PPFIA2: variants seen among roughly 807,000 people sequenced by gnomAD.
PPFIA2 encodes the protein liprin-alpha-2.
Under a neutral mutation model 175.5 loss-of-function variants are expected in PPFIA2, and 46 were observed. The ratio of observed to expected loss-of-function variants is 0.26; its 90% CI spans 0.21 to 0.34. The LOEUF is 0.34. Among genes scored for constraint, PPFIA2 ranks in the 10% least tolerant of loss-of-function variants. PPFIA2 has a pLI of 1.00. For missense variants in PPFIA2, 1,179 were observed against 1,506.1 expected (o/e 0.78, Z 3.60); for synonymous variants, 568 against 511.4 (o/e 1.11, Z -1.49).
chr12:81,596,155 T>C (rs956684429), intron 4 of PPFIA2, among the ~76,000 whole-genome samples: 1 of 152,064 alleles, frequency 6.6e-6, no homozygotes, highest in East Asian at 1.9e-4. Flanking sequence ...TTTAATTCTT[T>C]ATAATCAATA....
At chr12:81,356,585 C>T (rs1480114047) in intron 16 of PPFIA2, among the ~76,000 whole-genome samples, 1 of 152,002 alleles carries the variant, frequency 6.6e-6, no homozygotes, top group Non-Finnish European at 1.5e-5. Flanking sequence ...ATTGCTTGAG[C>T]TCAGGAATTC....
chr12:81,426,848 A>T (rs1307242977), intron 7 of PPFIA2, among the ~76,000 whole-genome samples: 1 of 152,036 alleles, frequency 6.6e-6, no homozygotes, highest in Non-Finnish European at 1.5e-5. Flanking sequence ...CTATATTTAA[A>T]ACATAGTGGC....
At chr12:81,303,260 A>C (rs917445080) in intron 22 of PPFIA2, among the ~76,000 whole-genome samples, 42 of 152,196 alleles carry the variant, frequency 2.8e-4, no homozygotes, top group African/African-American at 9.6e-4. Context: ...TGGCCTGAAG[A>C]ATAATTTTAG....
intron 7 of PPFIA2, among the ~76,000 whole-genome samples, chr12:81,411,257 C>G (rs1164664373): frequency 6.6e-6 from 1 of 152,006 alleles, no homozygotes; most frequent in Non-Finnish European, 1.5e-5. Context: ...CAAAAAGTAC[C>G]TGGAAAAAGT....
chr12:81,627,342 A>G (rs192490375), intron 4 of PPFIA2, among the ~76,000 whole-genome samples: 12 of 152,286 alleles, frequency 7.9e-5, no homozygotes, highest in Admixed American at 2.6e-4. Context: ...TGGATTTCCC[A>G]GTTAGCCTGA....
Position 81,711,858 on chromosome 12 carries a change from A to G in PPFIA2, c.250-35014T>C, listed in dbSNP as rs1023372778. Among the ~76,000 whole-genome samples, 3 of 150,692 alleles carry G rather than the reference A, an allele frequency of 2.0e-5. No individual in the cohort carries two copies. In the East Asian group the frequency reaches 6.1e-4, roughly 30 times the overall value. Reference sequence around the variant, plus strand: ...AGTATGGTACCTTATCAGTGCCCCAATGCAAAGCTCCAAAGCAAACAAAGG... The same window carrying G: ...AGTATGGTACCTTATCAGTGCCCCAGTGCAAAGCTCCAAAGCAAACAAAGG... On this transcript the variant is annotated intron_variant, in intron 3 of 32. Transcript: ENST00000549396.
At chr12:81,543,988 T>G (rs146438615) in intron 4 of PPFIA2, among the ~76,000 whole-genome samples, 2 of 152,186 alleles carry the variant, frequency 1.3e-5, no homozygotes, top group East Asian at 3.9e-4. Context: ...AGATAAATAT[T>G]ATGTGGTATC....
intron 3 of PPFIA2, among the ~76,000 whole-genome samples, chr12:81,726,543 A>G (rs1356630839): frequency 6.6e-6 from 1 of 151,326 alleles, no homozygotes; most frequent in East Asian, 2.0e-4. Flanking sequence ...TAGACCCTGT[A>G]TAAGTTTGGG....
chr12:81,604,553 G>A (rs2060098561), intron 4 of PPFIA2, among the ~76,000 whole-genome samples: 1 of 151,476 alleles, frequency 6.6e-6, no homozygotes, highest in Non-Finnish European at 1.5e-5. Flanking sequence ...TTCATTCTTA[G>A]TTTGATTGCT....
chr12:81,494,930 C>A (rs1443511666), intron 4 of PPFIA2, among the ~76,000 whole-genome samples: 1 of 118,764 alleles, frequency 8.4e-6, no homozygotes, highest in East Asian at 2.5e-4. Flanking sequence ...AACATCACAC[C>A]CTGGGGACTG....
chr12:81,666,066 A>G (rs912008311), intron 4 of PPFIA2, among the ~76,000 whole-genome samples: 28 of 152,152 alleles, frequency 1.8e-4, no homozygotes, highest in African/African-American at 6.8e-4. Flanking sequence ...ATGAGATACC[A>G]TCTCACACCA....
chr12:81,684,983 C>A (rs895110807), intron 3 of PPFIA2, among the ~76,000 whole-genome samples: 1 of 151,970 alleles, frequency 6.6e-6, no homozygotes, highest in African/African-American at 2.4e-5. Context: ...AATCATTGTA[C>A]AATCAATAAA....
At chr12:81,694,867 ACCC>A (rs1480232343) in intron 3 of PPFIA2, among the ~76,000 whole-genome samples, 1 of 152,030 alleles carries the variant, frequency 6.6e-6, no homozygotes, top group Non-Finnish European at 1.5e-5. Flanking sequence ...TTGGGAGTCC[ACCC>A]CTTGCACCAG....
At chr12:81,488,292 T>A (rs2059058975) in intron 4 of PPFIA2, among the ~76,000 whole-genome samples, 1 of 151,678 alleles carries the variant, frequency 6.6e-6, no homozygotes, top group Non-Finnish European at 1.5e-5. Context: ...TGTACTACGT[T>A]CTCATCTGTT....
At chr12:81,501,494 A>G (rs1247401725) in intron 4 of PPFIA2, among the ~76,000 whole-genome samples, 1 of 152,162 alleles carries the variant, frequency 6.6e-6, no homozygotes, top group Non-Finnish European at 1.5e-5. Flanking sequence ...TCCATGATAC[A>G]GGCACTTTTC....
chr12:81,451,148 C>T (rs572506947), intron 5 of PPFIA2, among the ~76,000 whole-genome samples: 3 of 152,044 alleles, frequency 2.0e-5, no homozygotes, highest in African/African-American at 4.8e-5. Context: ...TATACACACA[C>T]GCATGCATGT....
chr12:81,550,171 A>G (rs1567288587), intron 4 of PPFIA2, among the ~76,000 whole-genome samples: 1 of 152,066 alleles, frequency 6.6e-6, no homozygotes, highest in South Asian at 2.1e-4. Context: ...ACCTGGGAAA[A>G]TGTACAAATG....
chr12:81,564,519 G>A (rs1159199927), intron 4 of PPFIA2, among the ~76,000 whole-genome samples: 1 of 152,160 alleles, frequency 6.6e-6, no homozygotes, highest in African/African-American at 2.4e-5. Flanking sequence ...TTCCGGAGTT[G>A]GCTGCTTAAT....
At position 81,306,555 on chromosome 12, in the gene PPFIA2, T is replaced by C. The variant is rs555865934; in HGVS notation, c.2643-7173A>G. 4.3e-4 allele frequency among the ~76,000 whole-genome samples: 65 copies of C among 150,216 alleles called. No homozygotes were observed. The East Asian group carries it at 6.0e-3, about 14-fold the overall frequency. ...TTTGTTTCGTTGTTTTTTTTTTTTT[T>C]TTTTTGGCAGAGTTTTACTCTGTCT... On this transcript the variant is annotated intron_variant, in intron 22 of 32. Transcript: ENST00000549396.
Sources: allele counts gnomAD v4.1 joint callset (sites outside exome capture counted in the v4.1 genomes callset), GRCh38; gene constraint gnomAD v4.1.1; transcripts MANE v1.5; gene names NCBI Gene and HGNC (gene_info 2026-07-23, HGNC 2026-07-21).